Variants in TSPAN18 observed in about 807,000 individuals in gnomAD.
TSPAN18 encodes tetraspanin 18.
A neutral mutation model predicts 27.3 loss-of-function variants in TSPAN18; 14 were observed. The observed-to-expected ratio is 0.51, with a 90% confidence interval of 0.34 to 0.80. The LOEUF (loss-of-function observed/expected upper bound fraction) is 0.80, where lower values mean the gene tolerates loss of function less well. TSPAN18 is among the 30% of genes least tolerant of loss of function. TSPAN18 has a pLI of 0.01. For missense variants in TSPAN18, 268 were observed against 323.9 expected, an observed-to-expected ratio of 0.83 and a Z score of 1.32; for synonymous variants, 143 against 136.5, an observed-to-expected ratio of 1.05 and a Z score of -0.33.
intron 4 of TSPAN18, among the ~76,000 whole-genome samples, chr11:44,908,056 G>GAAAAA (rs386373739): frequency 0.33 from 41,020 of 124,096 alleles, 7,436 homozygotes; most frequent in East Asian, 0.61. Context: ...CTCCGTCTCA[G>GAAAAA]AAAAAAAAAA....
intron 5 of TSPAN18, among the ~76,000 whole-genome samples, chr11:44,911,001 C>G (rs1310956617): frequency 6.6e-6 from 1 of 152,252 alleles, no homozygotes; most frequent in Middle Eastern, 3.2e-3. Context: ...TCTTCTCGTT[C>G]TCGAGTCTCC....
At chr11:44,812,786 G>A (rs1003458320) in intron 2 of TSPAN18, among the ~76,000 whole-genome samples, 1 of 152,154 alleles carries the variant, frequency 6.6e-6, no homozygotes, top group African/African-American at 2.4e-5. Context: ...AGGGAGAGGG[G>A]GTGCCACGGG....
chr11:44,840,621 G>A (rs16938101), intron 2 of TSPAN18, among the ~76,000 whole-genome samples: 1,984 of 152,310 alleles, frequency 0.013, 23 homozygotes, highest in African/African-American at 0.023. Context: ...GGCAAAGCAA[G>A]CCCCAGACTC....
intron 1 of TSPAN18, among the ~76,000 whole-genome samples, chr11:44,746,319 G>A (rs1242892407): frequency 2.0e-5 from 3 of 152,106 alleles, no homozygotes; most frequent in African/African-American, 7.2e-5. Flanking sequence ...GAGTTAGAAG[G>A]GAACAGACGT....
intron 1 of TSPAN18, among the ~76,000 whole-genome samples, chr11:44,742,328 TCTTC>T (rs926422124): frequency 1.2e-4 from 16 of 136,890 alleles, no homozygotes; most frequent in African/African-American, 4.2e-4. Flanking sequence ...TTTCTTCCTT[TCTTC>T]CTTCCTTTCC....
intron 8 of TSPAN18, among the ~76,000 whole-genome samples, chr11:44,925,080 A>G (rs1028516405): frequency 6.6e-6 from 1 of 152,326 alleles, no homozygotes; most frequent in East Asian, 1.9e-4. Context: ...CATCCCAGTC[A>G]TACAGCCCTT....
At position 44,926,664 on chromosome 11, in the gene TSPAN18, T is replaced by C; in HGVS notation, c.616-10T>C. 6.2e-7 allele frequency: 1 copy of C among 1,613,722 alleles called. No homozygotes were observed. The highest frequency in any genetic ancestry group is 8.5e-7 in the Non-Finnish European group (1 of 1,179,734). On this transcript the variant is annotated splice_polypyrimidine_tract_variant and intron_variant, in intron 8 of 9. Coordinates refer to ENST00000520358, the MANE Select transcript of TSPAN18 (RefSeq NM_130783.5). ...TGGCCATAGCTTGACCTCTCATCCC[T>C]CCCTCCCAGGGCTGTTACACGGTGA...
At chr11:44,882,188 C>T (rs1257221831) in intron 3 of TSPAN18, among the ~76,000 whole-genome samples, 2 of 152,128 alleles carry the variant, frequency 1.3e-5, no homozygotes, top group Non-Finnish European at 2.9e-5. Flanking sequence ...ATCCTAAAGC[C>T]GCCTCCCATT....
At chr11:44,905,515 G>A (rs1005965680) in intron 3 of TSPAN18, among the ~76,000 whole-genome samples, 3 of 152,226 alleles carry the variant, frequency 2.0e-5, no homozygotes, top group Non-Finnish European at 4.4e-5. Context: ...TCTCCTCAGA[G>A]CCGTTATGAA....
rs1859982075 is a variant in TSPAN18 at position 44,918,123 on chromosome 11, C to A, written c.333+77C>A. 52 of 1,461,736 alleles carry A rather than the reference C, an allele frequency of 3.6e-5. 2 individuals are homozygous for A. The South Asian group carries it at 6.0e-4, about 17-fold the overall frequency. 90.5% of individuals were successfully genotyped at this position (1,461,736 alleles called of 1,614,324 possible). ...GTGGCCATTCAGGTCTGGCTCCTCC[C>A]CTCCTTGAAGGGTCTCAGAGAGTGG... On this transcript the variant is annotated intron_variant, in intron 6 of 9. Transcript: ENST00000520358.
intron 1 of TSPAN18, among the ~76,000 whole-genome samples, chr11:44,762,517 G>A (rs563033373): frequency 2.6e-5 from 4 of 152,208 alleles, no homozygotes; most frequent in African/African-American, 4.8e-5. Flanking sequence ...TGTTAAACAG[G>A]ATGGCTGGTA....
chr11:44,903,817 A>G (rs570737094), intron 3 of TSPAN18: 25 of 456,504 alleles, frequency 5.5e-5, no homozygotes, highest in South Asian at 3.9e-4. Flanking sequence ...CCTGGGTTCC[A>G]ATCTTGGCTT....
chr11:44,809,385 T>C (rs1338425856), intron 2 of TSPAN18, among the ~76,000 whole-genome samples: 1 of 151,750 alleles, frequency 6.6e-6, no homozygotes, highest in Non-Finnish European at 1.5e-5. Context: ...ACCTGGCACA[T>C]GGAGACTATG....
At chr11:44,814,375 T>A (rs986591166) in intron 2 of TSPAN18, among the ~76,000 whole-genome samples, 1 of 152,156 alleles carries the variant, frequency 6.6e-6, no homozygotes, top group South Asian at 2.1e-4. Flanking sequence ...AAACTCACTG[T>A]CTTGTCTTGA....
chr11:44,829,273 C>T (rs1200030385), intron 2 of TSPAN18, among the ~76,000 whole-genome samples: 2 of 152,118 alleles, frequency 1.3e-5, no homozygotes, highest in African/African-American at 4.8e-5. Context: ...TGACATGTGT[C>T]TACCGGTACT....
At chr11:44,771,016 A>G (rs145915026) in intron 2 of TSPAN18, among the ~76,000 whole-genome samples, 144 of 152,222 alleles carry the variant, frequency 9.5e-4, no homozygotes, top group African/African-American at 3.4e-3. Flanking sequence ...GGATGGAGAT[A>G]TGCACCTGGG....
intron 5 of TSPAN18, among the ~76,000 whole-genome samples, chr11:44,913,678 C>T (rs1036526174): frequency 2.6e-5 from 4 of 152,178 alleles, no homozygotes; most frequent in African/African-American, 9.7e-5. Flanking sequence ...GCAGACATTG[C>T]CTATAAGCAG....
intron 2 of TSPAN18, among the ~76,000 whole-genome samples, chr11:44,811,153 C>T (rs1360388066): frequency 6.6e-6 from 1 of 151,598 alleles, no homozygotes; most frequent in East Asian, 1.9e-4. Context: ...CACACACACA[C>T]ACACACACAC....
intron 1 of TSPAN18, among the ~76,000 whole-genome samples, chr11:44,750,330 CATAG>C (rs1855182500): frequency 6.6e-6 from 1 of 152,180 alleles, no homozygotes; most frequent in African/African-American, 2.4e-5. Flanking sequence ...TCCTCATAGC[CATAG>C]ATAAAGGCTG....
Sources: allele counts gnomAD v4.1 joint callset (sites outside exome capture counted in the v4.1 genomes callset), GRCh38; gene constraint gnomAD v4.1.1; transcripts MANE v1.5; gene names NCBI Gene and HGNC (gene_info 2026-07-23, HGNC 2026-07-21).